The following TMEM209 variants were observed in gnomAD, a reference collection of about 807,000 sequenced individuals.
The protein encoded by TMEM209 is testicular tissue protein Li 202.
In TMEM209, 65 loss-of-function variants were observed where a neutral mutation model predicts 76.2. That is an observed-to-expected ratio of 0.85 (90% confidence interval 0.70 to 1.05). The LOEUF (loss-of-function observed/expected upper bound fraction) is 1.05. Ranked by LOEUF, TMEM209 falls within the 50% of genes least tolerant of loss-of-function variation. The pLI, the probability that TMEM209 is intolerant of heterozygous loss-of-function variation, is 0.00. For missense variants in TMEM209, 623 were observed against 685.5 expected, an observed-to-expected ratio of 0.91 and a Z score of 1.02; for synonymous variants, 239 against 237.6, an observed-to-expected ratio of 1.01 and a Z score of -0.06.
chr7:130,191,442 C>G (rs969000775), intron 6 of TMEM209, among the ~76,000 whole-genome samples: 1 of 151,866 alleles, frequency 6.6e-6, no homozygotes, highest in African/African-American at 2.4e-5. Flanking sequence ...AGAATACCAT[C>G]AAGAAGTGTG....
intron 6 of TMEM209, among the ~76,000 whole-genome samples, chr7:130,192,090 A>C (rs988450609): frequency 6.6e-6 from 1 of 152,258 alleles, no homozygotes. Context: ...TTGGTTTCAA[A>C]TAATTGACTC....
Position 130,184,161 on chromosome 7 carries a change from C to T in TMEM209, c.1023+23G>A, listed in dbSNP as rs373807422. 4 of 1,552,762 alleles carry T rather than the reference C, an allele frequency of 2.6e-6. No homozygotes were observed. The African/African-American group carries it at 4.1e-5, about 16-fold the overall frequency. On this transcript the variant is annotated intron_variant, in intron 8 of 14. Coordinates refer to ENST00000397622, the MANE Select transcript of TMEM209 (RefSeq NM_032842.4). Reference sequence around the variant, plus strand: ...CATATTAAGAGGCACTAATATTGTCCAAAGAGTAATGTCAGAACTTACATT... The same window carrying T: ...CATATTAAGAGGCACTAATATTGTCTAAAGAGTAATGTCAGAACTTACATT...
intron 6 of TMEM209, 111 bp from the exon 7 acceptor site, chr7:130,185,478 G>A (rs1797568352): frequency 1.1e-6 from 1 of 886,806 alleles, no homozygotes; most frequent in Non-Finnish European, 1.7e-6. Flanking sequence ...CAACCCTCAA[G>A]GAGATTCTCT....
intron 13 of TMEM209, among the ~76,000 whole-genome samples, chr7:130,171,299 C>T (rs894596643): frequency 6.6e-6 from 1 of 152,290 alleles, no homozygotes; most frequent in African/African-American, 2.4e-5. Flanking sequence ...CAAGGGAATA[C>T]TAGGCAGCAT....
chr7:130,186,007 T>C (rs1797585408), intron 6 of TMEM209, among the ~76,000 whole-genome samples: 2 of 152,318 alleles, frequency 1.3e-5, no homozygotes, highest in South Asian at 4.1e-4. Context: ...CGGGTTATAG[T>C]TTTTGTCTGT....
chr7:130,199,949 A>T (rs1237515769), intron 5 of TMEM209: 1 of 152,198 alleles, frequency 6.6e-6, no homozygotes, highest in Non-Finnish European at 1.5e-5. Context: ...GCTCCAAGTC[A>T]ATCAAGGTAA....
intron 5 of TMEM209, among the ~76,000 whole-genome samples, chr7:130,201,021 G>A (rs1037997687): frequency 6.7e-6 from 1 of 149,712 alleles, no homozygotes; most frequent in African/African-American, 2.5e-5. Flanking sequence ...CCCGGGAGGC[G>A]GAGTTTGCAG....
intron 6 of TMEM209, 149 bp from the exon 7 acceptor site, chr7:130,185,516 G>T: frequency 1.5e-6 from 1 of 682,952 alleles, no homozygotes; most frequent in Non-Finnish European, 2.4e-6. Context: ...TCTCTTTAGA[G>T]ATCACAGTCT....
intron 6 of TMEM209, among the ~76,000 whole-genome samples, chr7:130,188,923 C>A (rs1179572818): frequency 6.6e-6 from 1 of 152,080 alleles, no homozygotes; most frequent in Non-Finnish European, 1.5e-5. Flanking sequence ...TCAAACAAAT[C>A]TGAATTTTCA....
intron 3 of TMEM209, among the ~76,000 whole-genome samples, chr7:130,202,957 C>T (rs933800789): frequency 7.9e-5 from 12 of 151,956 alleles, no homozygotes; most frequent in South Asian, 2.1e-4. Context: ...GGTGTGGTGA[C>T]GCACACCTGT....
At chr7:130,188,389 G>A (rs1011459148) in intron 6 of TMEM209, among the ~76,000 whole-genome samples, 3 of 152,042 alleles carry the variant, frequency 2.0e-5, no homozygotes, top group Non-Finnish European at 4.4e-5. Flanking sequence ...AAGGTCAGGA[G>A]ATCGAGACCA....
In TMEM209 at chr7:130,170,499, A is replaced by C. The variant is rs760035859; in HGVS notation, c.1558-26T>G. 15 of 1,580,096 alleles carry C rather than the reference A, an allele frequency of 9.5e-6. No homozygotes were observed. The highest frequency in any genetic ancestry group is 1.7e-4 in the Middle Eastern group (1 of 5,928). Reference sequence around the variant, plus strand: ...CTGGAACAAAGACAAAAAAGACAAGATTTAAACCAAATGAAAAAGATTCAA... The same window carrying C: ...CTGGAACAAAGACAAAAAAGACAAGCTTTAAACCAAATGAAAAAGATTCAA... On this transcript the variant is annotated intron_variant, in intron 13 of 14. Transcript: ENST00000397622.
intron 10 of TMEM209, among the ~76,000 whole-genome samples, chr7:130,177,316 A>C (rs1238494770): frequency 6.7e-6 from 1 of 149,926 alleles, no homozygotes; most frequent in African/African-American, 2.5e-5. Flanking sequence ...GCGCCACTGC[A>C]CTCTAGCCTG....
rs983268387 is a variant in TMEM209 at position 130,186,798 on chromosome 7, A to G, written c.776-1431T>C. Among the ~76,000 whole-genome samples, 3 of 152,060 alleles carry G rather than the reference A, an allele frequency of 2.0e-5. No individual in the cohort carries two copies. The East Asian group carries it at 5.8e-4, about 29-fold the overall frequency. Reference sequence around the variant, plus strand: ...CACCACCATCACCACCACCACCACCACCACAACAACAGCACACAATCTATA... The same window carrying G: ...CACCACCATCACCACCACCACCACCGCCACAACAACAGCACACAATCTATA... On this transcript the variant is annotated intron_variant, in intron 6 of 14. Coordinates refer to ENST00000397622, the MANE Select transcript of TMEM209 (RefSeq NM_032842.4).
At chr7:130,201,705 A>C in intron 5 of TMEM209, 145 bp downstream of exon 5, 1 of 984,874 alleles carries the variant, frequency 1.0e-6, no homozygotes, top group South Asian at 1.7e-5. Context: ...TTAAGATATT[A>C]TGTTCTATTC....
chr7:130,177,619 C>T (rs1051370829), intron 10 of TMEM209, among the ~76,000 whole-genome samples: 2 of 152,068 alleles, frequency 1.3e-5, no homozygotes, highest in African/African-American at 4.8e-5. Flanking sequence ...TGAGGGCTTG[C>T]TTCAAACAAT....
intron 10 of TMEM209, among the ~76,000 whole-genome samples, chr7:130,177,942 A>G (rs2116984857): frequency 6.6e-6 from 1 of 152,320 alleles, no homozygotes; most frequent in South Asian, 2.1e-4. Flanking sequence ...AAATTTTAAA[A>G]AATTCTAACG....
At chr7:130,178,073 A>G (rs941807264) in intron 10 of TMEM209, among the ~76,000 whole-genome samples, 2 of 152,196 alleles carry the variant, frequency 1.3e-5, no homozygotes, top group Non-Finnish European at 2.9e-5. Flanking sequence ...AATAATAAGA[A>G]TATCACAGAA....
chr7:130,182,992 G>A lies in TMEM209; in HGVS notation c.1023+1192C>T, dbSNP rs966729572. Among the ~76,000 whole-genome samples the A allele has an allele frequency of 1.6e-4, 25 of 152,026 alleles. 1 individual carries two copies. The highest frequency in any genetic ancestry group is 1.4e-3 in the Admixed American group (21 of 15,266). ...AGACTCTGGTGTTATAAATTATACGGTACAGGTATACATGTATTGCTTAAA... is the reference window on the plus strand; with the variant it reads ...AGACTCTGGTGTTATAAATTATACGATACAGGTATACATGTATTGCTTAAA... On this transcript the variant is annotated intron_variant, in intron 8 of 14. Coordinates refer to ENST00000397622, the MANE Select transcript of TMEM209 (RefSeq NM_032842.4).
Sources: allele counts gnomAD v4.1 joint callset (sites outside exome capture counted in the v4.1 genomes callset), GRCh38; gene constraint gnomAD v4.1.1; transcripts MANE v1.5; gene names NCBI Gene and HGNC (gene_info 2026-07-23, HGNC 2026-07-21).